Variants in PCDHGB1 observed in about 807,000 individuals in gnomAD.
PCDHGB1 encodes the protein protocadherin gamma subfamily B, 1, also known as protocadherin gamma-B1.
PCDHGB1 carries 34 observed loss-of-function variants against 56.6 expected under a neutral mutation model. That is an observed-to-expected ratio of 0.60 (90% CI 0.46 to 0.80). The LOEUF (loss-of-function observed/expected upper bound fraction) is 0.80, where lower values mean the gene tolerates loss of function less well. Among genes scored for constraint, PCDHGB1 ranks in the 30% least tolerant of loss-of-function variants. PCDHGB1 has a pLI of 0.00. For synonymous variants in PCDHGB1, 561 were observed against 505.9 expected, an observed-to-expected ratio of 1.11 and a Z score of -1.46; for missense variants, 1,278 against 1,204.6, an observed-to-expected ratio of 1.06 and a Z score of -0.90.
chr5:141,422,431 T>G, intron 1 of PCDHGB1: 1 of 1,608,846 alleles, frequency 6.2e-7, no homozygotes, highest in Non-Finnish European at 8.5e-7. Flanking sequence ...TTATGGAAAT[T>G]ATTACAAATT....
intron 2 of PCDHGB1, among the ~76,000 whole-genome samples, chr5:141,496,406 G>C (rs1485949584): frequency 6.6e-6 from 1 of 152,160 alleles, no homozygotes; most frequent in African/African-American, 2.4e-5. Flanking sequence ...CTCAATGGTT[G>C]AGTACTTGCT....
chr5:141,363,581 A>G (rs1484863484), intron 1 of PCDHGB1, among the ~76,000 whole-genome samples: 2 of 152,266 alleles, frequency 1.3e-5, no homozygotes, highest in Non-Finnish European at 2.9e-5. Flanking sequence ...AAAAATGCAT[A>G]GTTAACCCAA....
intron 1 of PCDHGB1, chr5:141,404,187 G>A (rs370199750): frequency 3.1e-6 from 5 of 1,613,124 alleles, no homozygotes; most frequent in African/African-American, 1.3e-5. Context: ...ATTCTTGACC[G>A]AGAAAAAGCC....
intron 1 of PCDHGB1, chr5:141,372,574 T>C: frequency 1.2e-6 from 2 of 1,614,012 alleles, no homozygotes; most frequent in South Asian, 1.1e-5. Flanking sequence ...GAGGGCTACT[T>C]TCAGCCTGGT....
intron 1 of PCDHGB1, chr5:141,415,661 T>C: frequency 6.3e-7 from 1 of 1,582,308 alleles, no homozygotes; most frequent in East Asian, 2.3e-5. Flanking sequence ...AAGATTGGTT[T>C]TTACTTTGAA....
intron 1 of PCDHGB1, among the ~76,000 whole-genome samples, chr5:141,453,827 C>T (rs2098775483): frequency 6.6e-6 from 1 of 152,320 alleles, no homozygotes; most frequent in South Asian, 2.1e-4. Flanking sequence ...AACTTGGCTG[C>T]TAGCCCTTCA....
intron 1 of PCDHGB1, chr5:141,404,006 C>A: frequency 6.2e-7 from 1 of 1,613,804 alleles, no homozygotes; most frequent in Non-Finnish European, 8.5e-7. Context: ...CATTACATCT[C>A]TGTTTAGCCC....
intron 1 of PCDHGB1, chr5:141,414,197 T>C: frequency 3.1e-6 from 5 of 1,611,210 alleles, no homozygotes; most frequent in Non-Finnish European, 4.2e-6. Flanking sequence ...TTGATTACAG[T>C]AGAAGATGTA....
Position 141,375,514 on chromosome 5 carries a change from G to A in PCDHGB1, c.2409+22845G>A, listed in dbSNP as rs1345928950. On this transcript the variant is annotated intron_variant, in intron 1 of 3. Transcript: ENST00000523390. The stretch of plus-strand genomic sequence containing the variant: ...CCTCCATCTTCTCTGTGAATGCACT[G>A]GACCCTGACGTGGACCAGAACGCCC... 3.1e-6 allele frequency: 5 copies of A among 1,613,836 alleles called. No homozygotes were observed. In the African/African-American group the frequency reaches 4.0e-5, roughly 13 times the overall value.
chr5:141,395,546 G>GTT (rs2093266838), intron 1 of PCDHGB1: 4 of 32,300 alleles, frequency 1.2e-4, no homozygotes, highest in African/African-American at 9.9e-4. Context: ...TATTGTTTGT[G>GTT]TGTGTGTGTG....
In PCDHGB1 at chr5:141,432,076, G is replaced by A. The variant is rs1442341840; in HGVS notation, c.2410-62731G>A. The A allele has an allele frequency of 1.2e-6, 2 of 1,614,160 alleles. No homozygotes were observed. Among genetic ancestry groups the A allele is most frequent in the East Asian group, 2.2e-5 (1 of 44,872 alleles). On this transcript the variant is annotated intron_variant, in intron 1 of 3. Coordinates refer to ENST00000523390, the MANE Select transcript of PCDHGB1 (RefSeq NM_018922.3). This position sits in a 1 kb window ranked among gnomAD's most constrained non-coding sequence, Gnocchi z 6.0. ...CCCTATCCACGGAAACTCATATCTCGCTGAACGTGGCAGACACCAACGACA... is the reference window on the plus strand; with the variant it reads ...CCCTATCCACGGAAACTCATATCTCACTGAACGTGGCAGACACCAACGACA...
At chr5:141,414,557 A>G (rs749209012) in intron 1 of PCDHGB1, 21 of 1,613,786 alleles carry the variant, frequency 1.3e-5, no homozygotes, top group Non-Finnish European at 1.8e-5. Context: ...CAAGTCTCCT[A>G]CTTTACCTAT....
chr5:141,361,604 C>G, intron 1 of PCDHGB1: 1 of 1,614,040 alleles, frequency 6.2e-7, no homozygotes, highest in Non-Finnish European at 8.5e-7. Context: ...GTTTCCTACT[C>G]CATCGTAGCG....
intron 1 of PCDHGB1, chr5:141,441,662 C>T: frequency 3.8e-6 from 1 of 260,740 alleles, no homozygotes; most frequent in Non-Finnish European, 7.7e-6. Flanking sequence ...TGTCCTTGAG[C>T]GCACAGTGCG....
intron 1 of PCDHGB1, among the ~76,000 whole-genome samples, chr5:141,483,638 G>A (rs1159840764): frequency 1.4e-5 from 2 of 147,222 alleles, no homozygotes; most frequent in South Asian, 2.1e-4. Flanking sequence ...AGGTATAGAG[G>A]GGTGTGTGTT....
In PCDHGB1 at chr5:141,399,498, A is replaced by G. The variant is rs539360572; in HGVS notation, c.2409+46829A>G. The G allele has an allele frequency of 1.4e-5, 22 of 1,614,002 alleles. No individual in the cohort carries two copies. The African/African-American group carries it at 2.5e-4, about 19-fold the overall frequency. On this transcript the variant is annotated intron_variant, in intron 1 of 3. Coordinates refer to ENST00000523390, the MANE Select transcript of PCDHGB1 (RefSeq NM_018922.3). Reference sequence around the variant, plus strand: ...ACCAGGCGTCCTACTTAGTCAGTGTACCCGAAAACAACCCTCCTGGGGCCT... The same window carrying G: ...ACCAGGCGTCCTACTTAGTCAGTGTGCCCGAAAACAACCCTCCTGGGGCCT...
At chr5:141,408,192 C>A (rs2095055859) in intron 1 of PCDHGB1, 1 of 1,545,004 alleles carries the variant, frequency 6.5e-7, no homozygotes, top group South Asian at 1.2e-5. Flanking sequence ...CAGCGAGAAC[C>A]CGAGCGAACG....
chr5:141,393,492 C>T (rs778632774), intron 1 of PCDHGB1: 11 of 1,613,922 alleles, frequency 6.8e-6, no homozygotes, highest in African/African-American at 1.3e-5. Flanking sequence ...TAGCACAGTG[C>T]GCATCCACGT....
chr5:141,486,637 G>A lies in PCDHGB1; in HGVS notation c.2410-8170G>A, dbSNP rs761072169. On this transcript the variant is annotated intron_variant, in intron 1 of 3. Transcript: ENST00000523390. The surrounding 1 kb of genome is among the most constrained non-coding windows in gnomAD (Gnocchi z 5.0). ...CTGACCCAGACTCTGGCTTGAATGC[G>A]CTTATCTCCTACTCACTCCTGGAGC... 3.1e-5 allele frequency: 50 copies of A among 1,613,520 alleles called. No individual in the cohort carries two copies. The highest frequency in any genetic ancestry group is 5.0e-5 in the Admixed American group (3 of 60,000).
Sources: allele counts gnomAD v4.1 joint callset (sites outside exome capture counted in the v4.1 genomes callset), GRCh38; gene constraint gnomAD v4.1.1; non-coding constraint Gnocchi (gnomAD v3.1); transcripts MANE v1.5; gene names NCBI Gene and HGNC (gene_info 2026-07-23, HGNC 2026-07-21).